Variants in SRFBP1 observed in about 807,000 individuals in gnomAD.
SRFBP1 encodes serum response factor binding protein 1.
In SRFBP1, 47 loss-of-function variants were observed where a neutral mutation model predicts 45.5. The ratio of observed to expected loss-of-function variants is 1.03; its 90% CI spans 0.82 to 1.32. The LOEUF is 1.32. Ranked by LOEUF, SRFBP1 falls within the 40% of genes most tolerant of loss-of-function variation. The pLI, the probability that SRFBP1 is intolerant of heterozygous loss-of-function variation, is 0.00. For synonymous variants in SRFBP1, 203 were observed against 166.3 expected (o/e 1.22, Z -1.70); for missense variants, 621 against 484.6 (o/e 1.28, Z -2.64).
intron 2 of SRFBP1, among the ~76,000 whole-genome samples, chr5:122,034,100 A>T (rs535965452): frequency 6.6e-6 from 1 of 152,330 alleles, no homozygotes; most frequent in East Asian, 1.9e-4. Context: ...CTGGGATTAA[A>T]GGCGTGAACC....
At chr5:122,053,693 G>A (rs1264700851) in intron 2 of SRFBP1, among the ~76,000 whole-genome samples, 1 of 151,738 alleles carries the variant, frequency 6.6e-6, no homozygotes, top group Non-Finnish European at 1.5e-5. Flanking sequence ...AGGATGGGTG[G>A]AGTGTCATGC....
downstream of SRFBP1, chr5:122,077,101 A>T: frequency 1.3e-6 from 2 of 1,525,326 alleles, no homozygotes; most frequent in East Asian, 2.3e-5. The surrounding 1 kb of genome is among the most constrained non-coding windows in gnomAD (Gnocchi z 4.9). Flanking sequence ...CCCTTCGCCC[A>T]CCGGGACTGC....
intron 7 of SRFBP1, among the ~76,000 whole-genome samples, chr5:122,023,464 T>A (rs1400213054): frequency 6.6e-6 from 1 of 152,146 alleles, no homozygotes; most frequent in Non-Finnish European, 1.5e-5. Flanking sequence ...ATACCATGTA[T>A]CGAGTAGCAG....
At chr5:122,077,554 G>C (rs1754674605), downstream of SRFBP1, 1 of 1,613,156 alleles carries the variant, frequency 6.2e-7, no homozygotes, top group Non-Finnish European at 8.5e-7. The surrounding 1 kb of genome is among the most constrained non-coding windows in gnomAD (Gnocchi z 4.9). Flanking sequence ...GCGCTGTCTG[G>C]TTCTCCGCGC....
chr5:121,977,119 T>C (rs1236936306), intron 3 of SRFBP1, among the ~76,000 whole-genome samples: 1 of 152,058 alleles, frequency 6.6e-6, no homozygotes, highest in Non-Finnish European at 1.5e-5. Flanking sequence ...TCTGATTCAG[T>C]GATAAAGTTT....
chr5:121,984,235 A>G (rs775784189), intron 3 of SRFBP1, among the ~76,000 whole-genome samples: 2 of 151,860 alleles, frequency 1.3e-5, no homozygotes, highest in Admixed American at 6.6e-5. Flanking sequence ...GGAGTTTTGT[A>G]TGATTGGAGA....
chr5:122,027,547 A>G lies in SRFBP1; in HGVS notation c.*421A>G, dbSNP rs188470083. ...AATTTGGGGATTTTAGTGATCTCAT[A>G]TTTTCTCTTTAGTGCTTATCATGAA... On this transcript the variant is annotated 3_prime_UTR_variant, in exon 8 of 8. Transcript: ENST00000339397. 6.6e-6 allele frequency: 1 copy of G among 152,412 alleles called. No homozygotes were observed. Among genetic ancestry groups the G allele is most frequent in the African/African-American group, 2.4e-5 (1 of 41,456 alleles). The allele number at this position is 152,412 out of a possible 1,614,324, so 9.4% of individuals were successfully genotyped here.
downstream of SRFBP1, chr5:122,077,084 C>T: frequency 6.4e-7 from 1 of 1,556,782 alleles, no homozygotes; most frequent in South Asian, 1.2e-5. This position sits in a 1 kb window ranked among gnomAD's most constrained non-coding sequence, Gnocchi z 4.9. Flanking sequence ...AGGTCCCTTA[C>T]TCCTCACCCT....
intron 2 of SRFBP1, among the ~76,000 whole-genome samples, chr5:121,974,746 T>C (rs1363717533): frequency 6.6e-6 from 1 of 151,894 alleles, no homozygotes; most frequent in Non-Finnish European, 1.5e-5. Flanking sequence ...TGTAATTTTT[T>C]GGAAAAATAC....
In SRFBP1 at chr5:122,021,302, T is replaced by C. The variant is rs1753316945; in HGVS notation, c.1067+500T>C. Among the ~76,000 whole-genome samples, 3 of 152,216 alleles carry C rather than the reference T, an allele frequency of 2.0e-5. No homozygotes were observed. In the South Asian group the frequency reaches 6.2e-4, roughly 32 times the overall value. On this transcript the variant is annotated intron_variant, in intron 6 of 7. Coordinates refer to ENST00000339397, the MANE Select transcript of SRFBP1 (RefSeq NM_152546.3). ...TTGATGATGTTGCTGTCTCCATCTCTGTTGCTCACCACTTTTCATAGCTGT... is the reference window on the plus strand; with the variant it reads ...TTGATGATGTTGCTGTCTCCATCTCCGTTGCTCACCACTTTTCATAGCTGT...
chr5:122,033,229 C>G (rs1448087034), downstream of SRFBP1, among the ~76,000 whole-genome samples: 1 of 151,452 alleles, frequency 6.6e-6, no homozygotes, highest in African/African-American at 2.4e-5. Context: ...GGATAGTAGC[C>G]CTTTACCTGT....
chr5:121,980,444 C>T (rs1022004120), intron 3 of SRFBP1, among the ~76,000 whole-genome samples: 4 of 152,144 alleles, frequency 2.6e-5, no homozygotes, highest in African/African-American at 9.7e-5. Context: ...TGTAGTCTTT[C>T]ACCCAGCGAT....
intron 2 of SRFBP1, among the ~76,000 whole-genome samples, chr5:122,071,191 A>ATGTGTG (rs1353851542): frequency 8.4e-6 from 1 of 118,588 alleles, no homozygotes; most frequent in African/African-American, 3.9e-5. Flanking sequence ...GTAAACATTT[A>ATGTGTG]TATGTGTGTG....
At chr5:122,051,289 G>T (rs1375251363) in intron 2 of SRFBP1, among the ~76,000 whole-genome samples, 6 of 152,094 alleles carry the variant, frequency 3.9e-5, no homozygotes, top group Admixed American at 2.0e-4. Context: ...CAAGTGTTAA[G>T]TTCAGGCCCT....
rs1477492079 is a variant in SRFBP1, at chr5:122,052,556, T to C, written n.312-22759T>C. Among the ~76,000 whole-genome samples, 3 of 152,192 alleles carry C rather than the reference T, an allele frequency of 2.0e-5. No individual in the cohort carries two copies. In the East Asian group the frequency reaches 5.8e-4, roughly 29 times the overall value. ...GTCTATTCTGCTGTGAATACTGTGT[T>C]TGCATTATGCAATTCTTGCAGTGTG... On this transcript the variant is annotated intron_variant and non_coding_transcript_variant, in intron 2 of 2. Transcript: ENST00000504881.
intron 2 of SRFBP1, among the ~76,000 whole-genome samples, chr5:122,044,560 A>C (rs1222360254): frequency 1.3e-5 from 2 of 151,624 alleles, no homozygotes; most frequent in East Asian, 3.9e-4. Flanking sequence ...CACTGGTGTG[A>C]GATGGTATTG....
chr5:121,979,520 T>C (rs1320648673), intron 3 of SRFBP1, among the ~76,000 whole-genome samples: 1 of 152,228 alleles, frequency 6.6e-6, no homozygotes, highest in African/African-American at 2.4e-5. Flanking sequence ...ATGAAAGTAA[T>C]TGTATTAAAA....
At chr5:121,966,134 A>G (rs1469213057) in intron 1 of SRFBP1, among the ~76,000 whole-genome samples, 2 of 152,214 alleles carry the variant, frequency 1.3e-5, no homozygotes, top group East Asian at 3.9e-4. Flanking sequence ...TTCTGCAAAT[A>G]GAGACAGTTT....
At chr5:122,045,078 G>T (rs1026240800) in intron 2 of SRFBP1, among the ~76,000 whole-genome samples, 1 of 152,044 alleles carries the variant, frequency 6.6e-6, no homozygotes, top group Non-Finnish European at 1.5e-5. Flanking sequence ...TCTGCATATG[G>T]CTAGCCCATC....
Sources: gnomAD v4.1 joint callset for allele counts (sites outside exome capture counted in the v4.1 genomes callset) on GRCh38, gnomAD v4.1.1 for gene constraint, Gnocchi (gnomAD v3.1) non-coding constraint, MANE v1.5 for transcripts, NCBI Gene and HGNC (gene_info 2026-07-23, HGNC 2026-07-21) for gene names.